The following EDARADD variants were observed in gnomAD, a reference collection of about 807,000 sequenced individuals.
EDARADD encodes EDAR associated via death domain.
A neutral mutation model predicts 25.6 loss-of-function variants in EDARADD; 20 were observed. That is an observed-to-expected ratio of 0.78 (90% CI 0.55 to 1.14). The LOEUF is 1.14. Among genes scored for constraint, EDARADD ranks in the 50% most tolerant of loss-of-function variants. The pLI is 0.00. For missense variants in EDARADD, 225 were observed against 270.1 expected (o/e 0.83, Z 1.17); for synonymous variants, 86 against 94.4 (o/e 0.91, Z 0.52).
chr1:236,421,203 A>G (rs1657775144), intron 3 of EDARADD, among the ~76,000 whole-genome samples: 1 of 147,180 alleles, frequency 6.8e-6, no homozygotes, highest in Non-Finnish European at 1.5e-5. Flanking sequence ...ACTGTGCGTC[A>G]TGCAGGGCCA....
At chr1:236,355,974 A>AATATATATGT (rs1666971336) in intron 3 of EDARADD, among the ~76,000 whole-genome samples, 1 of 152,144 alleles carries the variant, frequency 6.6e-6, no homozygotes, top group African/African-American at 2.4e-5. Context: ...ACAGGCAAAA[A>AATATATATGT]ATATATATGT....
chr1:236,459,611 C>CCTTTTTTTTTTT lies in EDARADD; in HGVS notation c.220-8620_220-8619insCTTTTTTTTTTT. On this transcript the variant is annotated intron_variant, in intron 4 of 5. Transcript: ENST00000334232. ...ATATTTTCACTCTTCTTATTTAGCT[C>CCTTTTTTTTTTT]TTTTTTTTTTTTTTTTTTTTGAGAT... Among the ~76,000 whole-genome samples the CCTTTTTTTTTTT allele has an allele frequency of 2.0e-5, 2 of 100,462 alleles. 1 individual carries two copies. 65.9% of individuals were successfully genotyped at this position (100,462 alleles called of 152,430 possible). A position where few individuals can be genotyped will look rare whatever the true frequency, so the allele number is the denominator to read the frequency against.
At chr1:236,419,413 A>C (rs1409991704) in intron 3 of EDARADD, among the ~76,000 whole-genome samples, 1 of 152,150 alleles carries the variant, frequency 6.6e-6, no homozygotes, top group Non-Finnish European at 1.5e-5. Context: ...AAACAAAACT[A>C]AAACAAAACA....
At chr1:236,475,770 AAAAG>A (rs1038216656) in intron 5 of EDARADD, among the ~76,000 whole-genome samples, 4 of 151,094 alleles carry the variant, frequency 2.6e-5, no homozygotes, top group African/African-American at 9.9e-5. Flanking sequence ...GTCTCAAAAA[AAAAG>A]AAAGAAAACA....
In EDARADD at chr1:236,395,324, C is replaced by G; in HGVS notation, c.61+819C>G. 1.6e-6 allele frequency: 2 copies of G among 1,289,544 alleles called. No homozygotes were observed. The highest frequency in any genetic ancestry group is 2.0e-6 in the Non-Finnish European group (2 of 1,013,860). 79.9% of individuals were successfully genotyped at this position (1,289,544 alleles called of 1,614,324 possible). ...ACGCCCGGGACACTCGGGGCCCCGC[C>G]TTGCGTCCCAGCCCCGGGTCGCGGC... On this transcript the variant is annotated intron_variant, in intron 1 of 5. Coordinates refer to ENST00000334232, the MANE Select transcript of EDARADD (RefSeq NM_145861.4). This position sits in a 1 kb window ranked among gnomAD's most constrained non-coding sequence, Gnocchi z 6.9.
chr1:236,434,774 C>T (rs1658196866), intron 4 of EDARADD, among the ~76,000 whole-genome samples: 1 of 151,898 alleles, frequency 6.6e-6, no homozygotes, highest in Admixed American at 6.6e-5. Context: ...GCCTTGAATG[C>T]CGGAGAGGGG....
intron 4 of EDARADD, among the ~76,000 whole-genome samples, chr1:236,446,031 T>G (rs1051525793): frequency 6.6e-5 from 10 of 152,238 alleles, no homozygotes; most frequent in African/African-American, 2.4e-4. Context: ...ATTATTGATG[T>G]CTGCAGCGCA....
At chr1:236,464,003 C>G (rs1293734267) in intron 4 of EDARADD, among the ~76,000 whole-genome samples, 1 of 152,128 alleles carries the variant, frequency 6.6e-6, no homozygotes, top group Admixed American at 6.6e-5. Flanking sequence ...GGTGTCCTAG[C>G]AGAAGTGATG....
chr1:236,400,357 G>A (rs889908690), intron 1 of EDARADD, among the ~76,000 whole-genome samples: 1 of 152,054 alleles, frequency 6.6e-6, no homozygotes, highest in Admixed American at 6.6e-5. Flanking sequence ...GTTGCTGTAG[G>A]GATGTACTTC....
intron 5 of EDARADD, among the ~76,000 whole-genome samples, chr1:236,469,242 G>A (rs1571955079): frequency 6.6e-6 from 1 of 152,184 alleles, no homozygotes; most frequent in East Asian, 1.9e-4. Context: ...GGGAGGCCAA[G>A]GTGGGCAGAT....
intron 3 of EDARADD, among the ~76,000 whole-genome samples, chr1:236,358,160 T>C (rs1667003850): frequency 3.3e-5 from 5 of 152,336 alleles, no homozygotes; most frequent in African/African-American, 1.2e-4. Context: ...CACGAGCCAC[T>C]GCACCTGGCC....
At chr1:236,428,069 A>C (rs1657975164) in intron 4 of EDARADD, among the ~76,000 whole-genome samples, 1 of 152,044 alleles carries the variant, frequency 6.6e-6, no homozygotes, top group Admixed American at 6.6e-5. Context: ...AGGTCAGCAG[A>C]TAAACAAGTG....
chr1:236,456,907 A>G (rs375816268), intron 4 of EDARADD, among the ~76,000 whole-genome samples: 37 of 151,944 alleles, frequency 2.4e-4, no homozygotes, highest in African/African-American at 7.7e-4. Context: ...GTGATTTTCA[A>G]TGGGACCTGC....
At chr1:236,431,276 A>T (rs1658088834) in intron 4 of EDARADD, among the ~76,000 whole-genome samples, 1 of 152,220 alleles carries the variant, frequency 6.6e-6, no homozygotes, top group South Asian at 2.1e-4. Context: ...GAGGAAAAAC[A>T]TCATAGTGTC....
chr1:236,363,831 C>T (rs1400084098), intron 3 of EDARADD, among the ~76,000 whole-genome samples: 4 of 152,100 alleles, frequency 2.6e-5, no homozygotes, highest in Admixed American at 6.6e-5. Flanking sequence ...CCTATACAGC[C>T]TGTGGAACCA....
chr1:236,363,006 A>AAAAAAAAAAAAAAAAATATATAC (rs1377112051), intron 3 of EDARADD, among the ~76,000 whole-genome samples: 1 of 42,950 alleles, frequency 2.3e-5, no homozygotes. Flanking sequence ...AAAAAAAAAA[A>AAAAAAAAAAAAAAAAATATATAC]ATATATATAT....
chr1:236,460,639 T>C (rs1387526501), intron 4 of EDARADD, among the ~76,000 whole-genome samples: 3 of 152,180 alleles, frequency 2.0e-5, no homozygotes, highest in Non-Finnish European at 4.4e-5. Context: ...AGAACTGAGT[T>C]TAAACAGGCT....
rs557947784 is a variant in EDARADD at position 236,404,208 on chromosome 1, A to T, written c.62-5008A>T. 2.6e-5 allele frequency among the ~76,000 whole-genome samples: 4 copies of T among 152,298 alleles called. No homozygotes were observed. In the South Asian group the frequency reaches 8.3e-4, roughly 32 times the overall value. Reference sequence around the variant, plus strand: ...GTTAGGCGGGGGCTGGGAAAAACAAACATTTTAAAGCTTCTAGATAAACGA... The same window carrying T: ...GTTAGGCGGGGGCTGGGAAAAACAATCATTTTAAAGCTTCTAGATAAACGA... On this transcript the variant is annotated intron_variant, in intron 1 of 5. Coordinates refer to ENST00000334232, the MANE Select transcript of EDARADD (RefSeq NM_145861.4).
At chr1:236,390,997 A>G (rs574986666), upstream of EDARADD, among the ~76,000 whole-genome samples, 1 of 151,268 alleles carries the variant, frequency 6.6e-6, no homozygotes, top group East Asian at 1.9e-4. Flanking sequence ...GCCAGGCTGG[A>G]GTACAATGGT....
Sources: allele counts gnomAD v4.1 joint callset (sites outside exome capture counted in the v4.1 genomes callset), GRCh38; gene constraint gnomAD v4.1.1; non-coding constraint Gnocchi (gnomAD v3.1); transcripts MANE v1.5; gene names NCBI Gene and HGNC (gene_info 2026-07-23, HGNC 2026-07-21).